Variants in FNDC3B observed in about 807,000 individuals in gnomAD.
FNDC3B encodes the protein fibronectin type III domain-containing protein 3B.
FNDC3B carries 12 observed loss-of-function variants against 151.5 expected under a neutral mutation model. The observed-to-expected ratio is 0.08, with a 90% CI of 0.05 to 0.13. The LOEUF (loss-of-function observed/expected upper bound fraction) is 0.13. FNDC3B is among the 10% of genes least tolerant of loss of function. The probability of loss-of-function intolerance (pLI) is 1.00; values close to 1 mark genes in which losing one functional copy is unlikely to be tolerated. For missense variants in FNDC3B, 1,214 were observed against 1,505.3 expected (o/e 0.81, Z 3.20); for synonymous variants, 528 against 549.0 (o/e 0.96, Z 0.54).
chr3:172,175,166 C>T (rs1723519435), intron 3 of FNDC3B, among the ~76,000 whole-genome samples: 1 of 151,978 alleles, frequency 6.6e-6, no homozygotes, highest in Non-Finnish European at 1.5e-5. Flanking sequence ...TCTCAGTCAT[C>T]TCAGAGTGGT....
chr3:172,262,773 T>A (rs1416326478), intron 6 of FNDC3B, among the ~76,000 whole-genome samples: 1 of 151,472 alleles, frequency 6.6e-6, no homozygotes. Context: ...TGGGCATGCC[T>A]GTAATCCCAG....
intron 3 of FNDC3B, among the ~76,000 whole-genome samples, chr3:172,188,098 C>A (rs991576793): frequency 1.3e-5 from 2 of 149,744 alleles, no homozygotes; most frequent in Non-Finnish European, 3.0e-5. Context: ...CAGGTTCAAG[C>A]GATTCTCCTG....
intron 6 of FNDC3B, among the ~76,000 whole-genome samples, chr3:172,265,056 G>A (rs986120184): frequency 1.3e-4 from 20 of 152,220 alleles, no homozygotes; most frequent in Non-Finnish European, 2.6e-4. Context: ...CATTTGGTGT[G>A]TGTGGAAAAC....
chr3:172,185,395 TC>T (rs1452430200), intron 3 of FNDC3B, among the ~76,000 whole-genome samples: 1 of 152,172 alleles, frequency 6.6e-6, no homozygotes, highest in Non-Finnish European at 1.5e-5. Context: ...AAACACCTAA[TC>T]CTGTGCATGG....
At chr3:172,087,192 G>A (rs1256501573) in intron 1 of FNDC3B, among the ~76,000 whole-genome samples, 2 of 152,124 alleles carry the variant, frequency 1.3e-5, no homozygotes, top group Admixed American at 1.3e-4. Flanking sequence ...CCTATTTTTA[G>A]GTAATGTACT....
intron 1 of FNDC3B, among the ~76,000 whole-genome samples, chr3:172,104,067 C>T (rs1333343565): frequency 1.3e-5 from 2 of 152,194 alleles, no homozygotes; most frequent in South Asian, 2.1e-4. Context: ...GTGCTCAATA[C>T]ATTCTTTTCT....
intron 3 of FNDC3B, among the ~76,000 whole-genome samples, chr3:172,213,693 T>C (rs913374504): frequency 6.6e-6 from 1 of 152,214 alleles, no homozygotes; most frequent in African/African-American, 2.4e-5. Context: ...CATTCTTACC[T>C]ATCCTAATAC....
intron 7 of FNDC3B, among the ~76,000 whole-genome samples, chr3:172,294,410 G>A (rs906089381): frequency 6.6e-6 from 1 of 152,226 alleles, no homozygotes; most frequent in Admixed American, 6.5e-5. Context: ...AAGCAGACAT[G>A]TCTTACGTTG....
intron 6 of FNDC3B, among the ~76,000 whole-genome samples, chr3:172,258,557 G>A (rs1285501830): frequency 6.6e-6 from 1 of 152,188 alleles, no homozygotes; most frequent in Non-Finnish European, 1.5e-5. Context: ...AGCGCACCAA[G>A]GTTTGGGATG....
intron 1 of FNDC3B, among the ~76,000 whole-genome samples, chr3:172,101,393 T>C (rs758607691): frequency 6.6e-6 from 1 of 152,238 alleles, no homozygotes; most frequent in Non-Finnish European, 1.5e-5. Flanking sequence ...TGTAATGCTA[T>C]TTAACCTTAT....
chr3:172,285,084 C>G (rs1268602154), intron 6 of FNDC3B, among the ~76,000 whole-genome samples: 1 of 152,060 alleles, frequency 6.6e-6, no homozygotes, highest in African/African-American at 2.4e-5. Context: ...ATTGCCCCAC[C>G]CCCAAAACAT....
chr3:172,317,462 G>A (rs992442123), intron 11 of FNDC3B, among the ~76,000 whole-genome samples: 19 of 152,282 alleles, frequency 1.2e-4, no homozygotes, highest in African/African-American at 4.6e-4. Context: ...GGGATTACAG[G>A]CGTGAGCCAC....
At chr3:172,085,436 T>A (rs9862371) in intron 1 of FNDC3B, among the ~76,000 whole-genome samples, 3 of 152,030 alleles carry the variant, frequency 2.0e-5, no homozygotes, top group Admixed American at 6.6e-5. Flanking sequence ...GCATTTGCTC[T>A]CTAGTTTACC....
At chr3:172,190,843 A>C (rs1420699519) in intron 3 of FNDC3B, among the ~76,000 whole-genome samples, 1 of 151,710 alleles carries the variant, frequency 6.6e-6, no homozygotes, top group Non-Finnish European at 1.5e-5. Flanking sequence ...TAATTTTTTT[A>C]TTGTTAGTAG....
intron 25 of FNDC3B, among the ~76,000 whole-genome samples, chr3:172,383,654 G>C (rs192263993): frequency 6.6e-6 from 1 of 152,198 alleles, no homozygotes; most frequent in Non-Finnish European, 1.5e-5. Context: ...CTGGTCCATG[G>C]ACCATAATTT....
At chr3:172,161,156 T>C (rs1272992524) in intron 3 of FNDC3B, among the ~76,000 whole-genome samples, 2 of 152,218 alleles carry the variant, frequency 1.3e-5, no homozygotes, top group African/African-American at 4.8e-5. Flanking sequence ...TTGAACCCCA[T>C]TGGAAGTGTT....
At chr3:172,192,900 T>G (rs903321107) in intron 3 of FNDC3B, among the ~76,000 whole-genome samples, 1 of 152,016 alleles carries the variant, frequency 6.6e-6, no homozygotes, top group East Asian at 1.9e-4. Context: ...ACCAACCAGT[T>G]TGAGTTTTTG....
intron 21 of FNDC3B, among the ~76,000 whole-genome samples, chr3:172,351,260 C>G (rs996743618): frequency 9.2e-5 from 14 of 152,166 alleles, no homozygotes; most frequent in African/African-American, 3.1e-4. Flanking sequence ...ACCTACAGAC[C>G]TTCTCTCAAA....
At chr3:172,063,966 G>T (rs1272731359) in intron 1 of FNDC3B, among the ~76,000 whole-genome samples, 1 of 152,026 alleles carries the variant, frequency 6.6e-6, no homozygotes, top group Non-Finnish European at 1.5e-5. Flanking sequence ...CTCATGAATG[G>T]CATTCACGCC....
Sources: allele counts gnomAD v4.1 joint callset (sites outside exome capture counted in the v4.1 genomes callset), GRCh38; gene constraint gnomAD v4.1.1; transcripts MANE v1.5; gene names NCBI Gene and HGNC (gene_info 2026-07-23, HGNC 2026-07-21).